The following TBC1D8 variants were observed in gnomAD, a reference collection of about 807,000 sequenced individuals.
TBC1D8 encodes TBC1 domain family member 8.
A neutral mutation model predicts 118.8 loss-of-function variants in TBC1D8; 65 were observed. That is an observed-to-expected ratio of 0.55 (90% CI 0.45 to 0.67). The LOEUF (loss-of-function observed/expected upper bound fraction) is 0.67. Among genes scored for constraint, TBC1D8 ranks in the 30% least tolerant of loss-of-function variants. TBC1D8 has a pLI of 0.00. For synonymous variants in TBC1D8, 566 were observed against 595.8 expected (o/e 0.95, Z 0.73); for missense variants, 1,376 against 1,471.2 (o/e 0.94, Z 1.06).
intron 1 of TBC1D8, among the ~76,000 whole-genome samples, chr2:101,120,009 G>A (rs562956533): frequency 3.9e-5 from 6 of 152,226 alleles, no homozygotes; most frequent in South Asian, 2.1e-4. Context: ...AGTGAGCCAG[G>A]AGCCCAAGAG....
intron 15 of TBC1D8, among the ~76,000 whole-genome samples, chr2:101,026,683 C>T (rs1451440846): frequency 6.6e-6 from 1 of 152,176 alleles, no homozygotes; most frequent in Non-Finnish European, 1.5e-5. Flanking sequence ...CCCGTCTCTG[C>T]CAGGGTAGCA....
intron 1 of TBC1D8, among the ~76,000 whole-genome samples, chr2:101,101,660 A>T (rs923884909): frequency 3.3e-5 from 5 of 152,240 alleles, no homozygotes; most frequent in Non-Finnish European, 7.3e-5. Context: ...ATGCCCATCA[A>T]TGATAGACTG....
intron 1 of TBC1D8, among the ~76,000 whole-genome samples, chr2:101,148,690 G>A (rs749283233): frequency 6.6e-6 from 1 of 152,086 alleles, no homozygotes; most frequent in African/African-American, 2.4e-5. Context: ...TCACAATAAA[G>A]GAAAAGAGAT....
chr2:101,056,558 A>G (rs192566532), intron 3 of TBC1D8, among the ~76,000 whole-genome samples: 40 of 152,328 alleles, frequency 2.6e-4, no homozygotes, highest in Admixed American at 1.7e-3. Flanking sequence ...TATTTTCTTC[A>G]TTATGTTTTT....
At chr2:101,142,721 A>T (rs773720689) in intron 1 of TBC1D8, among the ~76,000 whole-genome samples, 22 of 152,198 alleles carry the variant, frequency 1.4e-4, no homozygotes, top group Non-Finnish European at 1.9e-4. Flanking sequence ...CACAAAACTG[A>T]ACTATGTATT....
At chr2:101,073,819 C>T (rs1241886214) in intron 2 of TBC1D8, among the ~76,000 whole-genome samples, 1 of 152,226 alleles carries the variant, frequency 6.6e-6, no homozygotes, top group Non-Finnish European at 1.5e-5. Flanking sequence ...TCAACCTTCA[C>T]AGAATTTAAG....
chr2:101,056,484 C>T (rs1682442451), intron 3 of TBC1D8, among the ~76,000 whole-genome samples: 3 of 152,176 alleles, frequency 2.0e-5, no homozygotes. Flanking sequence ...GCGTGAGCCA[C>T]CGCGCCCGGC....
rs1191548060 is a variant in TBC1D8 at position 101,010,784 on chromosome 2, A to G, written c.3015+145T>C. On this transcript the variant is annotated intron_variant, in intron 19 of 19. Coordinates refer to ENST00000409318, the MANE Select transcript of TBC1D8 (RefSeq NM_001330348.2). The stretch of plus-strand genomic sequence containing the variant: ...GTAATCCCAGCTACTCAGGAGGCTG[A>G]GGCAGGAGAACTGCTTGAACCCTGG... 13 of 618,344 alleles carry G rather than the reference A, an allele frequency of 2.1e-5. No individual in the cohort carries two copies. The East Asian group carries it at 3.8e-4, about 18-fold the overall frequency. 38.3% of individuals were successfully genotyped at this position (618,344 alleles called of 1,614,324 possible).
At chr2:101,034,195 T>TA in intron 9 of TBC1D8, among the ~76,000 whole-genome samples, 1 of 152,092 alleles carries the variant, frequency 6.6e-6, no homozygotes, top group South Asian at 2.1e-4. Flanking sequence ...AAAACAGAAA[T>TA]AAAAGAAATA....
chr2:101,031,863 G>A (rs1680690593), intron 11 of TBC1D8, among the ~76,000 whole-genome samples: 1 of 152,040 alleles, frequency 6.6e-6, no homozygotes, highest in East Asian at 1.9e-4. Context: ...AGCTCCCTGA[G>A]CTACCGAGAG....
chr2:101,147,834 C>T (rs1478604603), intron 1 of TBC1D8, among the ~76,000 whole-genome samples: 3 of 152,122 alleles, frequency 2.0e-5, no homozygotes, highest in East Asian at 1.9e-4. Flanking sequence ...CTAACATCTC[C>T]GGGCTCTTTG....
chr2:101,122,383 C>CA (rs70943064), intron 1 of TBC1D8, among the ~76,000 whole-genome samples: 2,198 of 71,716 alleles, frequency 0.031, 374 homozygotes, highest in African/African-American at 0.04. Flanking sequence ...GACTCCATTT[C>CA]AAAAAAAAAA....
chr2:101,109,335 C>T (rs1677431224), intron 1 of TBC1D8, among the ~76,000 whole-genome samples: 1 of 152,116 alleles, frequency 6.6e-6, no homozygotes, highest in African/African-American at 2.4e-5. Flanking sequence ...GAAAGAACTA[C>T]CCATAAGTTT....
intron 16 of TBC1D8, among the ~76,000 whole-genome samples, 171 bp from the exon 17 acceptor site, chr2:101,021,917 G>C (rs1161202620): frequency 6.6e-6 from 1 of 152,182 alleles, no homozygotes; most frequent in Admixed American, 6.5e-5. Context: ...CTGGGCTGGT[G>C]ACTATGTGAG....
At chr2:101,024,469 C>T (rs1396419550) in intron 15 of TBC1D8, among the ~76,000 whole-genome samples, 14 of 146,724 alleles carry the variant, frequency 9.5e-5, no homozygotes, top group Admixed American at 1.4e-4. Context: ...TGCAGTGGCA[C>T]GATCTTGGCT....
intron 1 of TBC1D8, among the ~76,000 whole-genome samples, chr2:101,127,594 G>C (rs773722284): frequency 1.3e-5 from 2 of 152,146 alleles, no homozygotes; most frequent in African/African-American, 2.4e-5. Flanking sequence ...CTGGAGTGCA[G>C]CAGAACAATC....
intron 15 of TBC1D8, among the ~76,000 whole-genome samples, chr2:101,026,352 T>C (rs1680334243): frequency 6.6e-6 from 1 of 152,220 alleles, no homozygotes; most frequent in African/African-American, 2.4e-5. Flanking sequence ...ATAGTTTGCC[T>C]TCGCACAACA....
At chr2:101,076,266 A>C (rs977185966) in intron 2 of TBC1D8, among the ~76,000 whole-genome samples, 1 of 152,214 alleles carries the variant, frequency 6.6e-6, no homozygotes, top group African/African-American at 2.4e-5. Context: ...CCACCATTTC[A>C]TGATCCATAG....
chr2:101,025,204 A>G (rs7577290), intron 15 of TBC1D8, among the ~76,000 whole-genome samples: 90,787 of 151,642 alleles, frequency 0.6, 27,947 homozygotes, highest in Middle Eastern at 0.77. Context: ...ATACGGGCAC[A>G]ATAGGCCCTT....
Sources: gnomAD v4.1 joint callset for allele counts (sites outside exome capture counted in the v4.1 genomes callset) on GRCh38, gnomAD v4.1.1 for gene constraint, MANE v1.5 for transcripts, NCBI Gene and HGNC (gene_info 2026-07-23, HGNC 2026-07-21) for gene names.